Variants in GLS2 observed in about 807,000 individuals in gnomAD.
GLS2 encodes glutaminase liver isoform, mitochondrial.
GLS2 carries 52 observed loss-of-function variants against 79.0 expected under a neutral mutation model. That is an observed-to-expected ratio of 0.66 (90% CI 0.53 to 0.83). GLS2 has a LOEUF of 0.83. Among genes scored for constraint, GLS2 ranks in the 40% least tolerant of loss-of-function variants. The probability of loss-of-function intolerance (pLI) is 0.00; values close to 1 mark genes in which losing one functional copy is unlikely to be tolerated. For missense variants in GLS2, 561 were observed against 764.8 expected, an observed-to-expected ratio of 0.73 and a Z score of 3.14; for synonymous variants, 238 against 280.8, an observed-to-expected ratio of 0.85 and a Z score of 1.52.
In GLS2 at chr12:56,480,270, A is replaced by G. The variant is rs1430119594; in HGVS notation, c.282+18T>C. ...ATCTTAAGGAATTAGGATCCTGAAC[A>G]GGTAGAGGGCAACTTACAGTGGTGA... On this transcript the variant is annotated intron_variant, in intron 2 of 17. Transcript: ENST00000311966. 1 of 1,600,856 alleles carries G rather than the reference A, an allele frequency of 6.2e-7. No homozygotes were observed. The highest frequency in any genetic ancestry group is 2.2e-5 in the East Asian group (1 of 44,796).
intron 4 of GLS2, chr12:56,478,758 C>T (rs569334450): frequency 1.7e-5 from 5 of 293,368 alleles, no homozygotes; most frequent in South Asian, 9.4e-5. Context: ...TTTGGGAGGC[C>T]GAGGTGGGTG....
chr12:56,481,436 T>A (rs1870289867), intron 1 of GLS2, among the ~76,000 whole-genome samples: 2 of 150,404 alleles, frequency 1.3e-5, no homozygotes. Context: ...TCGAACGCCT[T>A]ACCTCGTGAT....
chr12:56,480,588 C>T (rs1383092054), intron 1 of GLS2: 1 of 549,360 alleles, frequency 1.8e-6, no homozygotes, highest in East Asian at 3.1e-5. Context: ...TACTCCTGAC[C>T]TTCAGATCTT....
chr12:56,472,462 G>A, intron 15 of GLS2: 1 of 604,842 alleles, frequency 1.7e-6, no homozygotes, highest in Non-Finnish European at 2.9e-6. Flanking sequence ...TACTTCCTAG[G>A]ACACTGCTCT....
chr12:56,471,684 A>C, intron 17 of GLS2, 41 bp from the exon 18 acceptor site: 2 of 1,612,880 alleles, frequency 1.2e-6, no homozygotes, highest in East Asian at 4.5e-5. Context: ...GGAGACGTGG[A>C]GAGTGGTGGT....
chr12:56,478,751 G>C (rs980338749), intron 4 of GLS2: 24 of 290,674 alleles, frequency 8.3e-5, no homozygotes, highest in Non-Finnish European at 1.4e-4. Context: ...CCAGCACTTT[G>C]GGAGGCCGAG....
Position 56,480,304 on chromosome 12 carries a change from A to G in GLS2, c.266T>C (p.Ile89Thr), listed in dbSNP as rs1870178951. The G allele has an allele frequency of 1.9e-6, 3 of 1,614,098 alleles. No homozygotes were observed. Among genetic ancestry groups the G allele is most frequent in the African/African-American group, 1.3e-5 (1 of 75,040 alleles). ...GCAACTTACAGTGGTGAACTTGTGG[A>G]TAGGGATTCGTTCCTGTCCTTCAGC... ...TIAEGQERIP[I>T]HKFTTALKAT... The change falls in exon 2 of 18, where the codon ATC becomes ACC. Residue 89 changes from isoleucine (I) to threonine (T), a missense_variant. By Grantham distance (89) the Ile-to-Thr change is moderately conservative. Transcript: ENST00000311966.
intron 1 of GLS2, 84 bp downstream of exon 1, chr12:56,487,853 C>T: frequency 6.9e-7 from 1 of 1,451,616 alleles, no homozygotes; most frequent in Admixed American, 2.3e-5. Context: ...AGCGGCGCTG[C>T]CTTGGAAGGG....
At chr12:56,474,428 T>G in intron 12 of GLS2, 116 bp downstream of exon 12, 1 of 1,317,096 alleles carries the variant, frequency 7.6e-7, no homozygotes, top group South Asian at 1.3e-5. Context: ...ATTGCCTTCC[T>G]GGAAGTTAGT....
rs368027426 is a variant in GLS2 at position 56,475,150 on chromosome 12, G to T, written c.930-40C>A. Reference sequence around the variant, plus strand: ...CAATTTAGTACTTGAAGTTGGAGGAGTGGGTGTTGGGAGAAGGGGAAAAAT... The same window carrying T: ...CAATTTAGTACTTGAAGTTGGAGGATTGGGTGTTGGGAGAAGGGGAAAAAT... On this transcript the variant is annotated intron_variant, in intron 9 of 17. Coordinates refer to ENST00000311966, the MANE Select transcript of GLS2 (RefSeq NM_013267.4). 4.3e-6 allele frequency: 7 copies of T among 1,612,876 alleles called. No homozygotes were observed. In the African/African-American group the frequency reaches 9.3e-5, roughly 21 times the overall value.
intron 7 of GLS2, chr12:56,476,197 T>TGGAGTGCAG: frequency 9.8e-6 from 1 of 101,994 alleles, no homozygotes; most frequent in South Asian, 9.6e-5. Context: ...TTTGTCACCC[T>TGGAGTGCAG]TGTCACCCAG....
chr12:56,473,285 G>T lies in GLS2; in HGVS notation c.1392C>A (p.Asp464Glu). 1 of 1,614,110 alleles carries T rather than the reference G, an allele frequency of 6.2e-7. No homozygotes were observed. Among genetic ancestry groups the T allele is most frequent in the East Asian group, 2.2e-5 (1 of 44,888 alleles). The change falls in exon 14 of 18, where the codon GAC (aspartate) becomes GAA (glutamate). Residue 464 changes from aspartate (D) to glutamate (E), a missense_variant. Coordinates refer to ENST00000311966, the MANE Select transcript of GLS2 (RefSeq NM_013267.4). The stretch of plus-strand genomic sequence containing the variant: ...ACTTCCGAGCACAGTGCCTCAGGTT[G>T]TCATAGTTGTGGAAATTGAAGAGAG... ...LVSLFNFHNYDNLRHCARKLD... is the reference protein window; with the variant it reads ...LVSLFNFHNYENLRHCARKLD...
At chr12:56,472,078 T>G in intron 16 of GLS2, 41 bp downstream of exon 16, 1 of 1,601,496 alleles carries the variant, frequency 6.2e-7, no homozygotes, top group Non-Finnish European at 8.6e-7. Flanking sequence ...AGAAAGGGTC[T>G]TATGATTACC....
intron 6 of GLS2, 24 bp downstream of exon 6, chr12:56,477,909 G>A (rs774104105): frequency 2.1e-5 from 34 of 1,605,110 alleles, no homozygotes; most frequent in Admixed American, 1.0e-4. Context: ...CTGTAAGTAC[G>A]GTCTGAGCCT....
Position 56,472,753 on chromosome 12 carries a change from T to C in GLS2, c.1450-2A>G, listed in dbSNP as rs1448488965. On this transcript the variant is annotated splice_acceptor_variant, in intron 14 of 17. Transcript: ENST00000311966. LOFTEE classifies it high-confidence loss of function. ...TAACAGGTTGACCACAGTCTTGTTC[T>C]GGAACACAAATCATACCCACATGAC... 1.2e-6 allele frequency: 2 copies of C among 1,613,940 alleles called. No homozygotes were observed. Among genetic ancestry groups the C allele is most frequent in the African/African-American group, 1.3e-5 (1 of 75,048 alleles).
intron 16 of GLS2, 122 bp downstream of exon 16, chr12:56,471,997 T>C: frequency 3.1e-6 from 4 of 1,285,924 alleles, no homozygotes; most frequent in South Asian, 1.3e-5. Context: ...AACCGAAGGG[T>C]GTCTAGATAA....
At chr12:56,477,563 C>T in intron 7 of GLS2, 97 bp downstream of exon 7, 2 of 1,262,840 alleles carry the variant, frequency 1.6e-6, no homozygotes, top group Admixed American at 2.1e-5. Flanking sequence ...GAATCAGAGC[C>T]CCACCAGTCT....
In GLS2 at chr12:56,477,674, T is replaced by C. The variant is rs761448385; in HGVS notation, c.823A>G (p.Ser275Gly). ...GTGGCACTGACCTTGATCAGGGAGC[T>C]GACAACAATGGCACCAGCATTGACC... ...PMVNAGAIVVSSLIKMDCNKA... is the reference protein window; with the variant it reads ...PMVNAGAIVVGSLIKMDCNKA... Residue 275 changes from serine to glycine, a missense_variant, in exon 7 of 18, where the codon AGC (serine) becomes GGC (glycine). Transcript: ENST00000311966. 1 of 1,613,314 alleles carries C rather than the reference T, an allele frequency of 6.2e-7. No homozygotes were observed. Among genetic ancestry groups the C allele is most frequent in the Non-Finnish European group, 8.5e-7 (1 of 1,179,768 alleles).
chr12:56,475,766 T>C lies in GLS2; in HGVS notation c.871-84A>G, dbSNP rs1175070992. The C allele has an allele frequency of 4.0e-6, 6 of 1,486,162 alleles. No individual in the cohort carries two copies. In the African/African-American group the frequency reaches 8.3e-5, roughly 21 times the overall value. 92.1% of individuals were successfully genotyped at this position (1,486,162 alleles called of 1,614,324 possible). On this transcript the variant is annotated intron_variant, in intron 8 of 17. Transcript: ENST00000311966. Reference sequence around the variant, plus strand: ...CACAGGTTGACTAGCCCTTCTGAACTCAGGTCTTGTCAAGAGGCTTTCCTC... The same window carrying C: ...CACAGGTTGACTAGCCCTTCTGAACCCAGGTCTTGTCAAGAGGCTTTCCTC...
Sources: gnomAD v4.1 joint callset for allele counts (sites outside exome capture counted in the v4.1 genomes callset) on GRCh38, gnomAD v4.1.1 for gene constraint, MANE v1.5 for transcripts, NCBI Gene and HGNC (gene_info 2026-07-23, HGNC 2026-07-21) for gene names.